The following MAP3K7 variants were observed in gnomAD, a reference collection of about 807,000 sequenced individuals.
MAP3K7 encodes TGF-beta activated kinase 1.
A neutral mutation model predicts 84.8 loss-of-function variants in MAP3K7; 21 were observed. That is an observed-to-expected ratio of 0.25 (90% confidence interval 0.18 to 0.36). The LOEUF (loss-of-function observed/expected upper bound fraction) is 0.36. Ranked by LOEUF, MAP3K7 falls within the 10% of genes least tolerant of loss-of-function variation. MAP3K7 has a pLI of 1.00. For missense variants in MAP3K7, 503 were observed against 747.7 expected (o/e 0.67, Z 3.82); for synonymous variants, 241 against 247.7 (o/e 0.97, Z 0.25).
At chr6:90,527,700 C>T (rs2127959547) in intron 13 of MAP3K7, among the ~76,000 whole-genome samples, 1 of 152,222 alleles carries the variant, frequency 6.6e-6, no homozygotes, top group South Asian at 2.1e-4. Context: ...GGGACCAACC[C>T]CCACTGGGAT....
intron 13 of MAP3K7, among the ~76,000 whole-genome samples, chr6:90,532,989 CA>C (rs1009604441): frequency 2.1e-4 from 32 of 152,260 alleles, no homozygotes; most frequent in Admixed American, 1.0e-3. Context: ...GGTCTGGATT[CA>C]AAACCTGGTT....
At chr6:90,578,029 G>A (rs8180687) in intron 1 of MAP3K7, among the ~76,000 whole-genome samples, 8,290 of 152,186 alleles carry the variant, frequency 0.054, 374 homozygotes, top group African/African-American at 0.12. Flanking sequence ...AATCCTTATG[G>A]GGGAAGACTG....
At chr6:90,567,124 A>G (rs1235240682) in intron 3 of MAP3K7, among the ~76,000 whole-genome samples, 1 of 152,128 alleles carries the variant, frequency 6.6e-6, no homozygotes, top group Non-Finnish European at 1.5e-5. Context: ...AAGAAAACCT[A>G]GGCAATACCA....
intron 8 of MAP3K7, chr6:90,551,450 T>A (rs751123582): frequency 6.6e-6 from 1 of 151,936 alleles, no homozygotes; most frequent in Non-Finnish European, 1.5e-5. Context: ...TTCCAAATAA[T>A]TCTAAAGGCG....
In MAP3K7 at chr6:90,580,913, C is replaced by A. The variant is rs563340513; in HGVS notation, c.120+5851G>T. Among the ~76,000 whole-genome samples the A allele has an allele frequency of 9.9e-5, 15 of 152,272 alleles. No homozygotes were observed. In the East Asian group the frequency reaches 2.7e-3, roughly 27 times the overall value. On this transcript the variant is annotated intron_variant, in intron 1 of 16. Coordinates refer to ENST00000369329, the MANE Select transcript of MAP3K7 (RefSeq NM_145331.3). Reference sequence around the variant, plus strand: ...TAATTACTTTATGATAAGCATTTCTCCCCCTATGGTTGAAACCTCTTTGTT... The same window carrying A: ...TAATTACTTTATGATAAGCATTTCTACCCCTATGGTTGAAACCTCTTTGTT...
intron 12 of MAP3K7, among the ~76,000 whole-genome samples, chr6:90,539,111 A>G (rs1200089849): frequency 6.6e-6 from 1 of 151,914 alleles, no homozygotes; most frequent in East Asian, 1.9e-4. Context: ...TAAACTGAAC[A>G]TGTAATTTTA....
chr6:90,550,331 C>T, intron 9 of MAP3K7, 137 bp downstream of exon 9: 1 of 567,526 alleles, frequency 1.8e-6, no homozygotes, highest in Non-Finnish European at 3.0e-6. Flanking sequence ...CCTGTAAACT[C>T]AAATTGCAGT....
chr6:90,586,899 C>G lies in MAP3K7; in HGVS notation c.-16G>C. 3.1e-6 allele frequency: 5 copies of G among 1,599,354 alleles called. No homozygotes were observed. Among genetic ancestry groups the G allele is most frequent in the Non-Finnish European group, 4.3e-6 (5 of 1,175,156 alleles). On this transcript the variant is annotated 5_prime_UTR_variant, in exon 1 of 17. Transcript: ENST00000369329. ...CTGTAGACATGATCCCTCGCGGCGC[C>G]CGGTGGGGCCGGGAACGGTGCCACC...
At chr6:90,536,891 G>A (rs1310372662) in intron 12 of MAP3K7, 1 of 154,008 alleles carries the variant, frequency 6.5e-6, no homozygotes, top group East Asian at 1.9e-4. Flanking sequence ...GTTATATTGA[G>A]TCACGCTTAC....
intron 9 of MAP3K7, among the ~76,000 whole-genome samples, chr6:90,548,933 C>T (rs570321555): frequency 6.6e-6 from 1 of 151,906 alleles, no homozygotes; most frequent in South Asian, 2.1e-4. Context: ...TAACTAGTGA[C>T]CTTGACAAGA....
chr6:90,560,506 C>T (rs778697032), intron 4 of MAP3K7, among the ~76,000 whole-genome samples: 4 of 152,082 alleles, frequency 2.6e-5, no homozygotes, highest in Admixed American at 6.5e-5. Flanking sequence ...GGACTACAGG[C>T]GTGTGCCACC....
At chr6:90,577,586 G>A (rs892106182) in intron 1 of MAP3K7, among the ~76,000 whole-genome samples, 1 of 152,168 alleles carries the variant, frequency 6.6e-6, no homozygotes, top group Non-Finnish European at 1.5e-5. Flanking sequence ...GGAACAGGAA[G>A]GAACAGTCAA....
rs553483544 is a variant in MAP3K7 at position 90,560,625 on chromosome 6, G to T, written c.344-411C>A. 7.2e-5 allele frequency among the ~76,000 whole-genome samples: 11 copies of T among 152,270 alleles called. No individual in the cohort carries two copies. In the South Asian group the frequency reaches 1.0e-3, roughly 14 times the overall value. The stretch of plus-strand genomic sequence containing the variant: ...TCTGCCTGCCTTGGCCTCCCAAAGT[G>T]CTGGGATTACAGGAGTGAGCCACCA... On this transcript the variant is annotated intron_variant, in intron 4 of 16. Coordinates refer to ENST00000369329, the MANE Select transcript of MAP3K7 (RefSeq NM_145331.3).
intron 12 of MAP3K7, chr6:90,537,305 G>A (rs4707625): frequency 2.6e-5 from 4 of 151,944 alleles, no homozygotes; most frequent in Non-Finnish European, 5.9e-5. Context: ...TTCTCAACTA[G>A]TGGGCAACAC....
chr6:90,532,779 G>A (rs529017677), intron 13 of MAP3K7, among the ~76,000 whole-genome samples: 2 of 152,248 alleles, frequency 1.3e-5, no homozygotes, highest in South Asian at 4.1e-4. Flanking sequence ...TATCAAGATA[G>A]GTTAACCTTG....
intron 9 of MAP3K7, among the ~76,000 whole-genome samples, chr6:90,548,882 T>A (rs1364794278): frequency 6.6e-6 from 1 of 150,978 alleles, no homozygotes; most frequent in Non-Finnish European, 1.5e-5. Context: ...AGAGTCAAGA[T>A]GAGAAATGAA....
intron 16 of MAP3K7, among the ~76,000 whole-genome samples, chr6:90,518,108 A>T (rs1281422122): frequency 1.3e-5 from 2 of 151,836 alleles, no homozygotes; most frequent in East Asian, 3.9e-4. Flanking sequence ...GTATCTACAA[A>T]AATGTTTCTA....
intron 13 of MAP3K7, among the ~76,000 whole-genome samples, chr6:90,529,870 T>C (rs933617711): frequency 6.6e-6 from 1 of 152,174 alleles, no homozygotes; most frequent in Non-Finnish European, 1.5e-5. Context: ...GAATATATAA[T>C]AAACACATAA....
In MAP3K7 at chr6:90,514,146, G is replaced by C. The variant is rs991063298; in HGVS notation, c.*2355C>G. 5.3e-5 allele frequency: 8 copies of C among 151,972 alleles called. No homozygotes were observed. Among genetic ancestry groups the C allele is most frequent in the African/African-American group, 1.9e-4 (8 of 41,398 alleles). 9.4% of individuals were successfully genotyped at this position (151,972 alleles called of 1,614,324 possible). On this transcript the variant is annotated 3_prime_UTR_variant, in exon 17 of 17. Coordinates refer to ENST00000369329, the MANE Select transcript of MAP3K7 (RefSeq NM_145331.3). ...ATTCCAGCCACTTGCTTGGCTGTTT[G>C]CAATTTTCACCCAAAAAACGGTCAA...
Sources: allele counts gnomAD v4.1 joint callset (sites outside exome capture counted in the v4.1 genomes callset), GRCh38; gene constraint gnomAD v4.1.1; transcripts MANE v1.5; gene names NCBI Gene and HGNC (gene_info 2026-07-23, HGNC 2026-07-21).